RBFOX1: variants seen among roughly 807,000 people sequenced by gnomAD.
RBFOX1 encodes the protein RNA binding fox-1 homolog 1.
In RBFOX1, 8 loss-of-function variants were observed where a neutral mutation model predicts 57.7. The observed-to-expected ratio is 0.14, with a 90% CI of 0.08 to 0.25. The LOEUF is 0.25. Among genes scored for constraint, RBFOX1 ranks in the 10% least tolerant of loss-of-function variants. The pLI is 1.00. For missense variants in RBFOX1, 611 were observed against 548.5 expected (o/e 1.11, Z -1.14); for synonymous variants, 326 against 222.4 (o/e 1.47, Z -4.15).
At chr16:5,992,933 T>C (rs1415925827) in intron 4 of RBFOX1, among the ~76,000 whole-genome samples, 1 of 152,064 alleles carries the variant, frequency 6.6e-6, no homozygotes, top group Non-Finnish European at 1.5e-5. Context: ...TAAGACTCTG[T>C]CTCAAAAGAA....
At chr16:7,470,816 A>G (rs988795801) in intron 4 of RBFOX1, among the ~76,000 whole-genome samples, 5 of 152,134 alleles carry the variant, frequency 3.3e-5, no homozygotes, top group Non-Finnish European at 4.4e-5. Context: ...GATAAACAAG[A>G]GTTCAGGGCA....
intron 3 of RBFOX1, among the ~76,000 whole-genome samples, chr16:5,693,814 C>T (rs73516383): frequency 7.9e-5 from 12 of 152,276 alleles, no homozygotes; most frequent in African/African-American, 2.2e-4. Flanking sequence ...CTTCTCACTC[C>T]TCAAACTCAG....
In RBFOX1 at chr16:6,516,568, C is replaced by T. The variant is rs536569891; in HGVS notation, c.-63-138035C>T. 9.2e-5 allele frequency among the ~76,000 whole-genome samples: 14 copies of T among 152,224 alleles called. No individual in the cohort carries two copies. The South Asian group carries it at 1.2e-3, about 14-fold the overall frequency. On this transcript the variant is annotated intron_variant, in intron 2 of 15. Transcript: ENST00000550418. The stretch of plus-strand genomic sequence containing the variant: ...TTTTTTATAACCCTAGCACTTTGTA[C>T]ATGAAGAGTGACTAGTTCATAAAAC...
intron 3 of RBFOX1, among the ~76,000 whole-genome samples, chr16:6,799,396 C>A (rs1392674098): frequency 6.6e-6 from 1 of 152,098 alleles, no homozygotes; most frequent in Non-Finnish European, 1.5e-5. Flanking sequence ...TTGACTTTTG[C>A]ATTAACCTAA....
chr16:7,036,031 T>C (rs903604306), intron 3 of RBFOX1, among the ~76,000 whole-genome samples: 3 of 152,176 alleles, frequency 2.0e-5, no homozygotes, highest in African/African-American at 7.2e-5. Flanking sequence ...TAATGACATT[T>C]TGTAAAGTCA....
chr16:5,515,616 C>A (rs1007525653), intron 2 of RBFOX1, among the ~76,000 whole-genome samples: 1 of 152,160 alleles, frequency 6.6e-6, no homozygotes, highest in Non-Finnish European at 1.5e-5. Flanking sequence ...TATGCCTGAT[C>A]AATTTGGGTA....
intron 1 of RBFOX1, among the ~76,000 whole-genome samples, chr16:5,404,953 C>T (rs139152261): frequency 6.6e-6 from 1 of 152,226 alleles, no homozygotes; most frequent in South Asian, 2.1e-4. Flanking sequence ...GAGTCATCAT[C>T]ATAGGAAGTA....
At chr16:7,206,012 T>C (rs2089893434) in intron 4 of RBFOX1, among the ~76,000 whole-genome samples, 1 of 152,228 alleles carries the variant, frequency 6.6e-6, no homozygotes, top group Non-Finnish European at 1.5e-5. Flanking sequence ...TGAACACAGG[T>C]GTGGCTTGCC....
intron 4 of RBFOX1, among the ~76,000 whole-genome samples, chr16:7,116,729 C>T (rs925277174): frequency 6.6e-6 from 1 of 152,132 alleles, no homozygotes; most frequent in African/African-American, 2.4e-5. Context: ...GACAGACAGG[C>T]TCTGGAGATG....
At chr16:6,845,765 C>G (rs780810327) in intron 3 of RBFOX1, among the ~76,000 whole-genome samples, 1 of 152,224 alleles carries the variant, frequency 6.6e-6, no homozygotes, top group Non-Finnish European at 1.5e-5. Flanking sequence ...TCACACTGGT[C>G]TTTTATCAGA....
At chr16:7,453,827 G>C (rs1250193499) in intron 4 of RBFOX1, among the ~76,000 whole-genome samples, 2 of 152,170 alleles carry the variant, frequency 1.3e-5, no homozygotes, top group Non-Finnish European at 2.9e-5. Context: ...TCAGCCTTAA[G>C]ATGGCATTCC....
At chr16:5,571,914 C>T (rs771880197) in intron 2 of RBFOX1, among the ~76,000 whole-genome samples, 4 of 152,220 alleles carry the variant, frequency 2.6e-5, no homozygotes, top group Non-Finnish European at 5.9e-5. Flanking sequence ...GGGTTAGAGG[C>T]GTGAGCCACT....
chr16:7,435,866 C>T (rs900468640), intron 4 of RBFOX1, among the ~76,000 whole-genome samples: 4 of 152,162 alleles, frequency 2.6e-5, no homozygotes, highest in African/African-American at 9.7e-5. Context: ...AGGAGTTGGC[C>T]TGCTGGGGTA....
intron 1 of RBFOX1, among the ~76,000 whole-genome samples, chr16:6,157,671 T>A (rs774106177): frequency 1.3e-5 from 2 of 152,074 alleles, no homozygotes; most frequent in Non-Finnish European, 2.9e-5. Flanking sequence ...AAATACAAGT[T>A]ATATATATAT....
intron 3 of RBFOX1, among the ~76,000 whole-genome samples, chr16:6,828,123 C>T (rs2092373011): frequency 1.3e-5 from 2 of 152,138 alleles, no homozygotes; most frequent in Admixed American, 6.6e-5. Context: ...CATGGGACAG[C>T]AGTCAGGAAG....
intron 4 of RBFOX1, among the ~76,000 whole-genome samples, chr16:7,191,880 T>G (rs999029857): frequency 6.6e-6 from 1 of 152,212 alleles, no homozygotes; most frequent in African/African-American, 2.4e-5. Context: ...TGAGGCAGAA[T>G]GTAAGCCTTG....
At chr16:6,692,962 C>T (rs1461291046) in intron 3 of RBFOX1, among the ~76,000 whole-genome samples, 1 of 151,806 alleles carries the variant, frequency 6.6e-6, no homozygotes, top group African/African-American at 2.4e-5. Context: ...CCATCCACTA[C>T]CATCACCGGC....
At position 6,120,914 on chromosome 16, in the gene RBFOX1, G is replaced by C. The variant is rs74004778; in HGVS notation, c.-127+100922G>C. 9.2e-3 allele frequency among the ~76,000 whole-genome samples: 1,394 copies of C among 152,310 alleles called. 28 individuals carry two copies. Among genetic ancestry groups the C allele is most frequent in the African/African-American group, 0.031 (1,289 of 41,564 alleles). On this transcript the variant is annotated intron_variant, in intron 1 of 15. Transcript: ENST00000550418. The stretch of plus-strand genomic sequence containing the variant: ...GGGGGCTGGTGAAGAGAAGAGAGGA[G>C]AACGAAGTCTGGGGCTGTTGTGTGA...
intron 14 of RBFOX1, among the ~76,000 whole-genome samples, chr16:7,695,308 G>C (rs188913868): frequency 6.6e-6 from 1 of 152,128 alleles, no homozygotes; most frequent in Non-Finnish European, 1.5e-5. Context: ...CTCATAGAGC[G>C]AAAATGAAAA....
Sources: allele counts gnomAD v4.1 joint callset (sites outside exome capture counted in the v4.1 genomes callset), GRCh38; gene constraint gnomAD v4.1.1; transcripts MANE v1.5; gene names NCBI Gene and HGNC (gene_info 2026-07-23, HGNC 2026-07-21).